The following ATG16L1 variants were observed in gnomAD, a reference collection of about 807,000 sequenced individuals.
ATG16L1 encodes the protein autophagy related 16 like 1.
ATG16L1 carries 37 observed loss-of-function variants against 88.5 expected under a neutral mutation model. The observed-to-expected ratio is 0.42, with a 90% CI of 0.32 to 0.55. The LOEUF (loss-of-function observed/expected upper bound fraction) is 0.55, where lower values mean the gene tolerates loss of function less well. Ranked by LOEUF, ATG16L1 falls within the 20% of genes least tolerant of loss-of-function variation. The pLI is 0.13. For synonymous variants in ATG16L1, 301 were observed against 281.0 expected (o/e 1.07, Z -0.71); for missense variants, 554 against 752.8 (o/e 0.74, Z 3.09).
At chr2:233,291,908 T>TA (rs1221047608) in intron 14 of ATG16L1, among the ~76,000 whole-genome samples, 1 of 152,234 alleles carries the variant, frequency 6.6e-6, no homozygotes, top group African/African-American at 2.4e-5. Context: ...AGGAAATTCT[T>TA]ACCAACTTCA....
intron 10 of ATG16L1, among the ~76,000 whole-genome samples, chr2:233,279,017 A>C (rs1460546649): frequency 6.6e-6 from 1 of 152,154 alleles, no homozygotes; most frequent in Non-Finnish European, 1.5e-5. Context: ...TCTACAAAAA[A>C]AATATTAAAA....
At chr2:233,277,451 C>A in intron 9 of ATG16L1, 117 bp from the exon 10 acceptor site, 1 of 861,934 alleles carries the variant, frequency 1.2e-6, no homozygotes, top group South Asian at 1.5e-5. Flanking sequence ...TTATGATTGG[C>A]TCCACCTGTC....
chr2:233,272,962 C>T lies in ATG16L1; in HGVS notation c.708-4C>T. On this transcript the variant is annotated splice_region_variant and splice_polypyrimidine_tract_variant and intron_variant, in intron 6 of 17. Transcript: ENST00000392017. ...ATCAAAGAATGTCTTGCCTTTCTTT[C>T]CAGGGATGATGACATTGAGGTCATT... 2 of 1,612,996 alleles carry T rather than the reference C, an allele frequency of 1.2e-6. No individual in the cohort carries two copies. Among genetic ancestry groups the T allele is most frequent in the Admixed American group, 1.7e-5 (1 of 60,016 alleles).
intron 2 of ATG16L1, among the ~76,000 whole-genome samples, chr2:233,261,631 T>A (rs994834922): frequency 6.6e-6 from 1 of 151,788 alleles, no homozygotes; most frequent in African/African-American, 2.4e-5. Context: ...CTGGGTCATA[T>A]GGAGGGGGCA....
intron 5 of ATG16L1, among the ~76,000 whole-genome samples, chr2:233,268,079 G>T (rs1478931079): frequency 6.6e-6 from 1 of 152,190 alleles, no homozygotes; most frequent in Non-Finnish European, 1.5e-5. Flanking sequence ...GTAGCACACT[G>T]TTTTGAGATA....
intron 14 of ATG16L1, among the ~76,000 whole-genome samples, chr2:233,291,371 C>A (rs868714496): frequency 6.6e-6 from 1 of 152,176 alleles, no homozygotes; most frequent in Non-Finnish European, 1.5e-5. Context: ...TAGTCCATCC[C>A]ATAATTTGAC....
intron 6 of ATG16L1, among the ~76,000 whole-genome samples, chr2:233,271,973 A>G (rs1698029603): frequency 6.6e-6 from 1 of 152,270 alleles, no homozygotes; most frequent in African/African-American, 2.4e-5. Flanking sequence ...TAGCTAAGGA[A>G]AATAAATTTA....
chr2:233,257,557 T>C (rs1696880331), intron 2 of ATG16L1, among the ~76,000 whole-genome samples: 1 of 152,222 alleles, frequency 6.6e-6, no homozygotes, highest in African/African-American at 2.4e-5. Flanking sequence ...TGAGATGTAT[T>C]GAATGTATTT....
At chr2:233,275,102 GT>G (rs1239238320) in intron 9 of ATG16L1, among the ~76,000 whole-genome samples, 1 of 152,198 alleles carries the variant, frequency 6.6e-6, no homozygotes, top group African/African-American at 2.4e-5. Flanking sequence ...ATTGGCTCCA[GT>G]TTAGAGTGAG....
intron 8 of ATG16L1, 106 bp from the exon 9 acceptor site, chr2:233,274,570 G>C: frequency 1.4e-6 from 1 of 734,988 alleles, no homozygotes; most frequent in Non-Finnish European, 2.2e-6. Flanking sequence ...GCTATCAACA[G>C]AGGCAGTCTG....
intron 12 of ATG16L1, among the ~76,000 whole-genome samples, chr2:233,284,983 G>A (rs979173892): frequency 6.6e-6 from 1 of 152,254 alleles, no homozygotes; most frequent in African/African-American, 2.4e-5. Context: ...ACAAGGACAT[G>A]TTGTGAGAGC....
intron 9 of ATG16L1, among the ~76,000 whole-genome samples, 199 bp downstream of exon 9, chr2:233,274,977 C>T (rs1375748005): frequency 2.0e-5 from 3 of 152,182 alleles, no homozygotes; most frequent in Non-Finnish European, 4.4e-5. Flanking sequence ...TACAACCATC[C>T]TCTGTAATGG....
Position 233,294,397 on chromosome 2 carries a change from G to T in ATG16L1, c.*47G>T. 6.7e-7 allele frequency: 1 copy of T among 1,490,238 alleles called. No individual in the cohort carries two copies. The allele number at this position is 1,490,238 out of a possible 1,614,324, so 92.3% of individuals were successfully genotyped here. ...GACCCCAGTGCCCTCCTCAGAAGAA[G>T]CACATGGGCTCCTGCAGCCCTGTCC... On this transcript the variant is annotated 3_prime_UTR_variant, in exon 18 of 18. Transcript: ENST00000392017.
chr2:233,265,157 CCA>C lies in ATG16L1; in HGVS notation c.641+17_641+18del. 6.2e-7 allele frequency: 1 copy of C among 1,613,360 alleles called. No individual in the cohort carries two copies. Among genetic ancestry groups the C allele is most frequent in the Non-Finnish European group, 8.5e-7 (1 of 1,179,892 alleles). ...AAAAGACTCCAGGTGGGCTATCAAT[CCA>C]CAGTTAGTGGTTTCCATCCTTAGTA... On this transcript the variant is annotated intron_variant, in intron 5 of 17. Transcript: ENST00000392017.
intron 16 of ATG16L1, among the ~76,000 whole-genome samples, chr2:233,292,768 G>T (rs1699550794): frequency 6.6e-6 from 1 of 152,246 alleles, no homozygotes; most frequent in Admixed American, 6.5e-5. Flanking sequence ...CGTGGGCCTG[G>T]GGCGGGACTG....
At chr2:233,275,875 C>T (rs1484421060) in intron 9 of ATG16L1, 6 of 519,054 alleles carry the variant, frequency 1.2e-5, no homozygotes, top group East Asian at 5.4e-5. Flanking sequence ...GGGATTCTGT[C>T]AGTGTGTGTT....
chr2:233,289,916 G>T lies in ATG16L1; in HGVS notation c.1266G>T (p.Arg422=), dbSNP rs1340629837. 7 of 1,614,164 alleles carry T rather than the reference G, an allele frequency of 4.3e-6. No homozygotes were observed. Among genetic ancestry groups the T allele is most frequent in the Non-Finnish European group, 5.1e-6 (6 of 1,180,002 alleles). The change falls in exon 13 of 18, where the codon CGG becomes CGT. Residue 422 remains arginine, a synonymous_variant. Transcript: ENST00000392017. ...LSAKFLLDNA[R]IVSGSHDRTL... is the part of the protein sequence containing the mutation. ...CTAAGTTCCTGCTGGACAATGCGCG[G>T]ATTGTCTCAGGAAGTCACGACCGGA...
At chr2:233,258,241 T>G (rs1211691822) in intron 2 of ATG16L1, among the ~76,000 whole-genome samples, 1 of 152,196 alleles carries the variant, frequency 6.6e-6, no homozygotes, top group Non-Finnish European at 1.5e-5. Context: ...CTCTGAAATC[T>G]CCACACATTT....
chr2:233,273,987 T>C, intron 8 of ATG16L1: 1 of 1,551,438 alleles, frequency 6.4e-7, no homozygotes, highest in Non-Finnish European at 8.7e-7. Flanking sequence ...GCCTTTCCCT[T>C]TAGTCTGTCC....
Sources: allele counts gnomAD v4.1 joint callset (sites outside exome capture counted in the v4.1 genomes callset), GRCh38; gene constraint gnomAD v4.1.1; transcripts MANE v1.5; gene names NCBI Gene and HGNC (gene_info 2026-07-23, HGNC 2026-07-21).